MACROD2: variants seen among roughly 807,000 people sequenced by gnomAD.
The protein encoded by MACROD2 is mono-ADP ribosylhydrolase 2, also known as ADP-ribose glycohydrolase MACROD2.
A neutral mutation model predicts 70.4 loss-of-function variants in MACROD2; 36 were observed. The observed-to-expected ratio is 0.51, with a 90% confidence interval of 0.39 to 0.68. The LOEUF (loss-of-function observed/expected upper bound fraction) is 0.68, where lower values mean the gene tolerates loss of function less well. MACROD2 is among the 30% of genes least tolerant of loss of function. MACROD2 has a pLI of 0.00. For synonymous variants in MACROD2, 172 were observed against 178.8 expected, an observed-to-expected ratio of 0.96 and a Z score of 0.30; for missense variants, 496 against 538.4, an observed-to-expected ratio of 0.92 and a Z score of 0.78.
At chr20:15,248,072 A>T (rs923930444) in intron 6 of MACROD2, among the ~76,000 whole-genome samples, 1 of 152,168 alleles carries the variant, frequency 6.6e-6, no homozygotes, top group African/African-American at 2.4e-5. Flanking sequence ...GACTTCAAGC[A>T]CCACCCTCTG....
At chr20:15,726,510 CT>C (rs2050864541) in intron 8 of MACROD2, among the ~76,000 whole-genome samples, 1 of 152,126 alleles carries the variant, frequency 6.6e-6, no homozygotes, top group Non-Finnish European at 1.5e-5. Context: ...TGCCACACTA[CT>C]GTGCACGGTG....
intron 5 of MACROD2, among the ~76,000 whole-genome samples, chr20:15,113,008 G>A (rs1191955063): frequency 1.4e-5 from 2 of 143,428 alleles, no homozygotes; most frequent in Non-Finnish European, 3.2e-5. Context: ...ATCACATTTT[G>A]CTTATCCATT....
chr20:15,414,266 T>A (rs772819374), intron 6 of MACROD2, among the ~76,000 whole-genome samples: 5 of 152,202 alleles, frequency 3.3e-5, no homozygotes, highest in Non-Finnish European at 7.3e-5. Context: ...ACTCAGACTG[T>A]AATCCCAAGA....
intron 15 of MACROD2, among the ~76,000 whole-genome samples, chr20:16,011,591 T>G (rs1025616112): frequency 6.6e-5 from 10 of 152,000 alleles, no homozygotes; most frequent in African/African-American, 2.4e-4. Flanking sequence ...GGTGCTGGAG[T>G]TGACTGGGAG....
chr20:15,538,710 A>G (rs2146562317), intron 8 of MACROD2, among the ~76,000 whole-genome samples: 1 of 152,344 alleles, frequency 6.6e-6, no homozygotes, highest in East Asian at 1.9e-4. Context: ...TACAATGTGC[A>G]TATTTTGAAT....
intron 8 of MACROD2, among the ~76,000 whole-genome samples, chr20:15,712,774 G>A: frequency 6.6e-6 from 1 of 152,126 alleles, no homozygotes. Flanking sequence ...CCATATACTA[G>A]CCCTTTGACA....
chr20:15,229,808 C>T (rs892595795), intron 5 of MACROD2, 132 bp from the exon 6 acceptor site: 4 of 864,740 alleles, frequency 4.6e-6, no homozygotes, highest in East Asian at 3.1e-5. Context: ...ATATTTGCGT[C>T]GCCAATGTAT....
intron 3 of MACROD2, among the ~76,000 whole-genome samples, chr20:14,248,238 G>T (rs2081983505): frequency 6.6e-6 from 1 of 152,156 alleles, no homozygotes; most frequent in African/African-American, 2.4e-5. Context: ...TGACACCTTT[G>T]CTTTCTAACT....
chr20:15,970,156 T>A (rs1355470224), intron 13 of MACROD2, among the ~76,000 whole-genome samples: 1 of 151,954 alleles, frequency 6.6e-6, no homozygotes, highest in Admixed American at 6.6e-5. Context: ...CAAGGTTAAT[T>A]AAGGACATTT....
Position 14,902,111 on chromosome 20 carries a change from T to C in MACROD2, c.418+217152T>C, listed in dbSNP as rs2073901656. ...TAAATCTTCTAATTTATTGGAAATA[T>C]TGAAGGGCCATTAAATTTAAAAATG... On this transcript the variant is annotated intron_variant, in intron 5 of 17. Transcript: ENST00000684519. Among the ~76,000 whole-genome samples, 5 of 152,340 alleles carry C rather than the reference T, an allele frequency of 3.3e-5. No homozygotes were observed. The South Asian group carries it at 1.0e-3, about 32-fold the overall frequency.
chr20:15,821,858 A>G (rs1489549367), intron 8 of MACROD2, among the ~76,000 whole-genome samples: 1 of 152,106 alleles, frequency 6.6e-6, no homozygotes, highest in African/African-American at 2.4e-5. Context: ...TAGTCTTAGA[A>G]CCAGTCCCCT....
intron 2 of MACROD2, among the ~76,000 whole-genome samples, chr20:14,055,554 T>C (rs2053622772): frequency 6.7e-6 from 1 of 150,124 alleles, no homozygotes; most frequent in African/African-American, 2.4e-5. Context: ...TGACTATGAA[T>C]CCTTAAAACT....
intron 9 of MACROD2, among the ~76,000 whole-genome samples, chr20:15,881,030 T>G (rs1350544159): frequency 6.6e-6 from 1 of 152,094 alleles, no homozygotes; most frequent in African/African-American, 2.4e-5. Context: ...TACCTTCTTC[T>G]CTGTTGTTTT....
intron 6 of MACROD2, among the ~76,000 whole-genome samples, chr20:15,377,824 T>C (rs1290154406): frequency 2.0e-5 from 3 of 152,220 alleles, no homozygotes; most frequent in African/African-American, 7.2e-5. Flanking sequence ...CATTAGTCAC[T>C]GATGATGACA....
At chr20:14,197,073 G>T (rs2081438784) in intron 3 of MACROD2, among the ~76,000 whole-genome samples, 1 of 152,204 alleles carries the variant, frequency 6.6e-6, no homozygotes. Context: ...ATATAGTTAA[G>T]TCCAGGCCAT....
intron 5 of MACROD2, among the ~76,000 whole-genome samples, chr20:14,897,127 T>C (rs1449703617): frequency 6.6e-6 from 1 of 152,082 alleles, no homozygotes; most frequent in African/African-American, 2.4e-5. Flanking sequence ...TTGGAAGGCC[T>C]GGGGTACGAA....
At chr20:15,332,851 A>G (rs2078007602) in intron 6 of MACROD2, among the ~76,000 whole-genome samples, 1 of 151,628 alleles carries the variant, frequency 6.6e-6, no homozygotes, top group South Asian at 2.1e-4. Flanking sequence ...AGCAACTCAG[A>G]TCACTAGTCC....
At position 15,315,713 on chromosome 20, in the gene MACROD2, A is replaced by G. The variant is rs181578122; in HGVS notation, c.540+85652A>G. 9.5e-4 allele frequency among the ~76,000 whole-genome samples: 144 copies of G among 152,286 alleles called. 1 individual carries two copies. Among genetic ancestry groups the G allele is most frequent in the Admixed American group, 9.0e-3 (137 of 15,294 alleles). The stretch of plus-strand genomic sequence containing the variant: ...GTTAAACAGAATTATTCAGGCTAAA[A>G]TGACAGTAAGTTGAAGTCATATGTA... On this transcript the variant is annotated intron_variant, in intron 6 of 17. Coordinates refer to ENST00000684519, the MANE Select transcript of MACROD2 (RefSeq NM_001351661.2).
chr20:15,055,662 A>G lies in MACROD2; in HGVS notation c.419-174278A>G, dbSNP rs117157856. 2.8e-3 allele frequency among the ~76,000 whole-genome samples: 421 copies of G among 152,260 alleles called. 1 individual carries two copies. Among genetic ancestry groups the G allele is most frequent in the Non-Finnish European group, 4.4e-3 (299 of 68,024 alleles). On this transcript the variant is annotated intron_variant, in intron 5 of 17. Coordinates refer to ENST00000684519, the MANE Select transcript of MACROD2 (RefSeq NM_001351661.2). Reference sequence around the variant, plus strand: ...ATTTTTGATTAAGGAGAATGGATGGAATATTGTAATGGATAATATTAAGTG... The same window carrying G: ...ATTTTTGATTAAGGAGAATGGATGGGATATTGTAATGGATAATATTAAGTG...
Sources: gnomAD v4.1 joint callset for allele counts (sites outside exome capture counted in the v4.1 genomes callset) on GRCh38, gnomAD v4.1.1 for gene constraint, MANE v1.5 for transcripts, NCBI Gene and HGNC (gene_info 2026-07-23, HGNC 2026-07-21) for gene names.